The following UNC5D variants were observed in gnomAD, a reference collection of about 807,000 sequenced individuals.
UNC5D encodes unc-5 netrin receptor D, also known as netrin receptor UNC5D.
A neutral mutation model predicts 105.4 loss-of-function variants in UNC5D; 39 were observed. The ratio of observed to expected loss-of-function variants is 0.37; its 90% CI spans 0.29 to 0.48. The LOEUF is 0.48. Ranked by LOEUF, UNC5D falls within the 20% of genes least tolerant of loss-of-function variation. The pLI is 0.98. For synonymous variants in UNC5D, 452 were observed against 450.4 expected (o/e 1.00, Z -0.04); for missense variants, 991 against 1,202.4 (o/e 0.82, Z 2.60).
intron 1 of UNC5D, among the ~76,000 whole-genome samples, chr8:35,324,254 A>G (rs951204585): frequency 1.3e-5 from 2 of 150,850 alleles, no homozygotes; most frequent in East Asian, 2.0e-4. Context: ...AAAAAAAAAA[A>G]GTGATGAGTC....
intron 8 of UNC5D, among the ~76,000 whole-genome samples, chr8:35,713,050 TTTTTA>T (rs777699934): frequency 5.9e-5 from 9 of 152,192 alleles, no homozygotes; most frequent in Non-Finnish European, 8.8e-5. Context: ...TTGTATTTTT[TTTTTA>T]CTATTTTCTA....
intron 4 of UNC5D, among the ~76,000 whole-genome samples, chr8:35,646,904 G>T (rs1463432409): frequency 2.0e-5 from 3 of 152,036 alleles, no homozygotes; most frequent in African/African-American, 7.2e-5. Flanking sequence ...TATTTTTCTA[G>T]CCTAACAGAC....
At chr8:35,641,825 C>G (rs1165769190) in intron 4 of UNC5D, among the ~76,000 whole-genome samples, 5 of 152,028 alleles carry the variant, frequency 3.3e-5, no homozygotes, top group Non-Finnish European at 1.5e-5. Flanking sequence ...TTCAAAGATC[C>G]CAATTGCAAG....
chr8:35,722,330 A>T lies in UNC5D; in HGVS notation c.1238A>T (p.Asp413Val), dbSNP rs1329523017. 4 of 1,613,990 alleles carry T rather than the reference A, an allele frequency of 2.5e-6. No homozygotes were observed. The highest frequency in any genetic ancestry group is 3.4e-6 in the Non-Finnish European group (4 of 1,180,010). The change falls in exon 9 of 17, where the codon GAC becomes GTC. Residue 413 changes from aspartate to valine, a missense_variant. By Grantham distance (152) the Asp-to-Val change is radical. Around this residue, in one of 3 missense-constraint regions of UNC5D, gnomAD observed 944 missense variants for 1,131.6 expected, o/e 0.83. Transcript: ENST00000404895. ...CGGAGCCAGAGTGACTATGGCGTGGACGTCATTGACTCTTCTGCATTGACA... is the reference window on the plus strand; with the variant it reads ...CGGAGCCAGAGTGACTATGGCGTGGTCGTCATTGACTCTTCTGCATTGACA... ...YRRSQSDYGVDVIDSSALTGG... is the reference protein window; with the variant it reads ...YRRSQSDYGVVVIDSSALTGG...
At chr8:35,446,236 A>G (rs1807786717) in intron 1 of UNC5D, among the ~76,000 whole-genome samples, 1 of 151,848 alleles carries the variant, frequency 6.6e-6, no homozygotes, top group Non-Finnish European at 1.5e-5. Flanking sequence ...TGCATTTCCA[A>G]CATGCAGATG....
rs569364562 is a variant in UNC5D, at chr8:35,503,374, G to A, written c.104-45918G>A. Among the ~76,000 whole-genome samples the A allele has an allele frequency of 2.0e-4, 31 of 152,250 alleles. 1 individual carries two copies. Among genetic ancestry groups the A allele is most frequent in the Admixed American group, 1.7e-3 (26 of 15,292 alleles). Reference sequence around the variant, plus strand: ...GAGAGAATGAGAGCCGCGTCAAAGGGAAAACCCCCTATAAAGCCATCAGAT... The same window carrying A: ...GAGAGAATGAGAGCCGCGTCAAAGGAAAAACCCCCTATAAAGCCATCAGAT... On this transcript the variant is annotated intron_variant, in intron 1 of 16. Transcript: ENST00000404895.
chr8:35,305,558 C>T (rs1371472482), intron 1 of UNC5D, among the ~76,000 whole-genome samples: 2 of 81,038 alleles, frequency 2.5e-5, no homozygotes, highest in African/African-American at 1.0e-4. Flanking sequence ...TTCTTCTCTT[C>T]CTTCCTTTCT....
rs527340025 is a variant in UNC5D at position 35,754,541 on chromosome 8, G to A, written c.2163+3732G>A. On this transcript the variant is annotated intron_variant, in intron 13 of 16. Coordinates refer to ENST00000404895, the MANE Select transcript of UNC5D (RefSeq NM_080872.4). ...ATTGTATCCCATAAAATGCTGAAAT[G>A]CCTACCTTCTCCCCGGAAGACCTTG... is the stretch of plus-strand genomic sequence containing the variant. Among the ~76,000 whole-genome samples, 68 of 152,232 alleles carry A rather than the reference G, an allele frequency of 4.5e-4. 1 individual carries two copies. In the South Asian group the frequency reaches 0.014, roughly 31 times the overall value.
intron 1 of UNC5D, among the ~76,000 whole-genome samples, chr8:35,296,981 G>A (rs1458379822): frequency 6.6e-5 from 10 of 152,240 alleles, no homozygotes; most frequent in South Asian, 2.1e-4. Context: ...TCTTAAAGTT[G>A]AAAATCCTAA....
At chr8:35,498,102 A>C (rs1399477131) in intron 1 of UNC5D, among the ~76,000 whole-genome samples, 5 of 129,920 alleles carry the variant, frequency 3.8e-5, no homozygotes, top group African/African-American at 1.6e-4. Flanking sequence ...AAAAAAAAAA[A>C]AAAAAAAAAG....
intron 8 of UNC5D, among the ~76,000 whole-genome samples, chr8:35,717,291 T>C (rs1489599583): frequency 6.6e-6 from 1 of 152,210 alleles, no homozygotes. Flanking sequence ...TGGTATATAG[T>C]TAAGGTCATA....
chr8:35,399,689 G>C (rs1463117457), intron 1 of UNC5D, among the ~76,000 whole-genome samples: 1 of 152,120 alleles, frequency 6.6e-6, no homozygotes, highest in African/African-American at 2.4e-5. Context: ...ACAGGATAAA[G>C]GCTTTTCATT....
intron 1 of UNC5D, among the ~76,000 whole-genome samples, chr8:35,240,687 T>G (rs2128800729): frequency 6.6e-6 from 1 of 152,238 alleles, no homozygotes; most frequent in East Asian, 1.9e-4. Flanking sequence ...ACAAAGACAA[T>G]TTTTCTGAAC....
chr8:35,518,026 T>G (rs1485582195), intron 1 of UNC5D, among the ~76,000 whole-genome samples: 1 of 152,150 alleles, frequency 6.6e-6, no homozygotes, highest in Non-Finnish European at 1.5e-5. Context: ...GATTAAGATT[T>G]CAACATGAAT....
At chr8:35,605,267 G>A (rs1198056689) in intron 4 of UNC5D, among the ~76,000 whole-genome samples, 3 of 152,154 alleles carry the variant, frequency 2.0e-5, no homozygotes, top group Non-Finnish European at 2.9e-5. Flanking sequence ...CTAACAGTCA[G>A]GACTCTCAGC....
intron 13 of UNC5D, among the ~76,000 whole-genome samples, chr8:35,751,439 G>A (rs1309316251): frequency 6.6e-6 from 1 of 152,164 alleles, no homozygotes; most frequent in African/African-American, 2.4e-5. Flanking sequence ...TAGTCTCCAG[G>A]CAGGAAGGGG....
rs1803159708 is a variant in UNC5D, at chr8:35,794,025, A to AAC, written c.*3464_*3465dup. 3 of 152,200 alleles carry AAC rather than the reference A, an allele frequency of 2.0e-5. No individual in the cohort carries two copies. The highest frequency in any genetic ancestry group is 4.4e-5 in the Non-Finnish European group (3 of 68,038). The allele number at this position is 152,200 out of a possible 1,614,324, so 9.4% of individuals were successfully genotyped here. On this transcript the variant is annotated 3_prime_UTR_variant, in exon 17 of 17. Coordinates refer to ENST00000404895, the MANE Select transcript of UNC5D (RefSeq NM_080872.4). ...TTTATTGCAACTATTTTCCTTGAGA[A>AAC]ACATTCTCAGCATCAGGATTGATAA...
intron 1 of UNC5D, among the ~76,000 whole-genome samples, chr8:35,467,077 T>G (rs1809360430): frequency 6.6e-6 from 1 of 152,104 alleles, no homozygotes. Flanking sequence ...ACTATAAAAT[T>G]AGTGGGTGAA....
At chr8:35,337,822 G>C (rs1452016946) in intron 1 of UNC5D, among the ~76,000 whole-genome samples, 1 of 151,068 alleles carries the variant, frequency 6.6e-6, no homozygotes, top group Non-Finnish European at 1.5e-5. Flanking sequence ...TTTCTAAAGT[G>C]GTAATCATAT....
Sources: allele counts gnomAD v4.1 joint callset (sites outside exome capture counted in the v4.1 genomes callset), GRCh38; gene constraint gnomAD v4.1.1; regional missense constraint gnomAD v4.1.1; transcripts MANE v1.5; gene names NCBI Gene and HGNC (gene_info 2026-07-23, HGNC 2026-07-21).